The following RCAN2 variants were observed in gnomAD, a reference collection of about 807,000 sequenced individuals.
The protein encoded by RCAN2 is calcipressin-2.
Under a neutral mutation model 23.6 loss-of-function variants are expected in RCAN2, and 9 were observed. That is an observed-to-expected ratio of 0.38 (90% CI 0.23 to 0.67). RCAN2 has a LOEUF of 0.67. Ranked by LOEUF, RCAN2 falls within the 30% of genes least tolerant of loss-of-function variation. The probability of loss-of-function intolerance (pLI) is 0.51; values close to 1 mark genes in which losing one functional copy is unlikely to be tolerated. For synonymous variants in RCAN2, 109 were observed against 115.7 expected, an observed-to-expected ratio of 0.94 and a Z score of 0.37; for missense variants, 273 against 302.3, an observed-to-expected ratio of 0.90 and a Z score of 0.72.
chr6:46,471,636 C>T (rs1212903522), intron 1 of RCAN2, among the ~76,000 whole-genome samples: 1 of 152,032 alleles, frequency 6.6e-6, no homozygotes, highest in African/African-American at 2.4e-5. Flanking sequence ...AAGTAATGAG[C>T]AGTTGGTGCC....
chr6:46,358,038 T>C (rs1764894864), intron 2 of RCAN2, among the ~76,000 whole-genome samples: 1 of 152,172 alleles, frequency 6.6e-6, no homozygotes, highest in African/African-American at 2.4e-5. Flanking sequence ...ATAAAATCTT[T>C]AGTTTATTTT....
chr6:46,374,825 C>T (rs9381446), intron 2 of RCAN2, among the ~76,000 whole-genome samples: 62,089 of 151,932 alleles, frequency 0.41, 15,634 homozygotes, highest in East Asian at 0.59. Context: ...AGTTACAGAA[C>T]GATAAAAGAA....
chr6:46,406,542 A>G (rs762136614), intron 2 of RCAN2, among the ~76,000 whole-genome samples: 5 of 152,210 alleles, frequency 3.3e-5, no homozygotes, highest in Admixed American at 6.5e-5. Flanking sequence ...AATGATTTTG[A>G]TAGGAGACCA....
In RCAN2 at chr6:46,368,773, G is replaced by A. The variant is rs1473720604; in HGVS notation, c.225+87979C>T. On this transcript the variant is annotated intron_variant, in intron 2 of 4. Coordinates refer to ENST00000371374, the MANE Select transcript of RCAN2 (RefSeq NM_001251974.2). Reference sequence around the variant, plus strand: ...TTTAGGGCTGGGAGTTGCCCTGTACGAGTCAGGGAGTGAGTGGCGAGTGAA... The same window carrying A: ...TTTAGGGCTGGGAGTTGCCCTGTACAAGTCAGGGAGTGAGTGGCGAGTGAA... 5.3e-5 allele frequency among the ~76,000 whole-genome samples: 8 copies of A among 152,234 alleles called. No homozygotes were observed. The East Asian group carries it at 5.8e-4, about 11-fold the overall frequency.
rs886157238 is a variant in RCAN2, at chr6:46,328,161, G to T, written c.226-79265C>A. 3.3e-5 allele frequency among the ~76,000 whole-genome samples: 5 copies of T among 149,530 alleles called. No individual in the cohort carries two copies. The East Asian group carries it at 5.9e-4, about 18-fold the overall frequency. ...CCTACTTGAAGTTGTAAAATAGGCA[G>T]TTTTTTTTTTCTGATGTATCCTCAG... On this transcript the variant is annotated intron_variant, in intron 2 of 4. Transcript: ENST00000371374.
At chr6:46,404,545 A>T (rs182947000) in intron 2 of RCAN2, among the ~76,000 whole-genome samples, 73 of 152,344 alleles carry the variant, frequency 4.8e-4, no homozygotes, top group Admixed American at 2.7e-3. Context: ...TTGAACAAAA[A>T]TTATTCTAGA....
chr6:46,249,673 G>C (rs993082893), intron 2 of RCAN2, among the ~76,000 whole-genome samples: 2 of 152,142 alleles, frequency 1.3e-5, no homozygotes, highest in South Asian at 2.1e-4. Context: ...ACTCCATCCA[G>C]TTTCCTAGTC....
At chr6:46,344,171 TATACAC>T (rs1225852990) in intron 2 of RCAN2, among the ~76,000 whole-genome samples, 1 of 152,204 alleles carries the variant, frequency 6.6e-6, no homozygotes, top group Admixed American at 6.5e-5. Flanking sequence ...ATCATTGAGT[TATACAC>T]ATAAAATGTG....
At chr6:46,423,009 T>C (rs1766925082) in intron 2 of RCAN2, among the ~76,000 whole-genome samples, 1 of 152,140 alleles carries the variant, frequency 6.6e-6, no homozygotes, top group Non-Finnish European at 1.5e-5. Flanking sequence ...CAGACCATCC[T>C]CCTGTGACTG....
chr6:46,416,002 G>A (rs745797281), intron 2 of RCAN2, among the ~76,000 whole-genome samples: 2 of 152,134 alleles, frequency 1.3e-5, no homozygotes, highest in African/African-American at 2.4e-5. Context: ...TATGTAAATT[G>A]TTGTTATGCT....
intron 2 of RCAN2, among the ~76,000 whole-genome samples, chr6:46,339,098 C>T (rs1345057): frequency 0.42 from 62,487 of 149,362 alleles, 14,543 homozygotes; most frequent in East Asian, 0.6. Flanking sequence ...CATCCATCCA[C>T]CACCCACCCA....
intron 1 of RCAN2, among the ~76,000 whole-genome samples, chr6:46,468,304 T>A (rs1223282705): frequency 6.6e-6 from 1 of 152,204 alleles, no homozygotes; most frequent in Non-Finnish European, 1.5e-5. Flanking sequence ...TTTTATCAGG[T>A]CATCTTCAAC....
chr6:46,330,261 G>A (rs182051416), intron 2 of RCAN2, among the ~76,000 whole-genome samples: 17 of 152,154 alleles, frequency 1.1e-4, no homozygotes, highest in East Asian at 5.8e-4. Flanking sequence ...GCAGATTCTC[G>A]GGCCCCACCC....
intron 2 of RCAN2, among the ~76,000 whole-genome samples, chr6:46,328,289 T>C (rs1281850422): frequency 6.6e-6 from 1 of 152,214 alleles, no homozygotes; most frequent in Non-Finnish European, 1.5e-5. Flanking sequence ...TCAAGGACAG[T>C]TGTCAACTCA....
rs532387215 is a variant in RCAN2, at chr6:46,257,337, G to A, written c.226-8441C>T. Reference sequence around the variant, plus strand: ...ACTGAATCCTCAATAAGTCCTTTGAGCAAGAATTGGAATTTTTGTTGTCCT... The same window carrying A: ...ACTGAATCCTCAATAAGTCCTTTGAACAAGAATTGGAATTTTTGTTGTCCT... On this transcript the variant is annotated intron_variant, in intron 2 of 4. Transcript: ENST00000371374. Among the ~76,000 whole-genome samples, 3 of 152,292 alleles carry A rather than the reference G, an allele frequency of 2.0e-5. No individual in the cohort carries two copies. The South Asian group carries it at 6.2e-4, about 32-fold the overall frequency.
intron 2 of RCAN2, among the ~76,000 whole-genome samples, chr6:46,255,709 C>A (rs556967418): frequency 6.6e-5 from 10 of 152,080 alleles, no homozygotes; most frequent in South Asian, 4.2e-4. Context: ...CAACCATGAG[C>A]CAGATAAGCT....
At chr6:46,308,586 T>C (rs539616577) in intron 2 of RCAN2, among the ~76,000 whole-genome samples, 33 of 152,184 alleles carry the variant, frequency 2.2e-4, no homozygotes, top group Admixed American at 1.8e-3. Flanking sequence ...ATACAAAATA[T>C]AGTGTACGTT....
intron 2 of RCAN2, among the ~76,000 whole-genome samples, chr6:46,350,355 T>C (rs1162194401): frequency 2.6e-5 from 4 of 152,174 alleles, no homozygotes; most frequent in Non-Finnish European, 5.9e-5. Flanking sequence ...AGAATTTGCA[T>C]GGTTTACGAG....
At chr6:46,440,906 A>G (rs547012179) in intron 2 of RCAN2, among the ~76,000 whole-genome samples, 63 of 152,326 alleles carry the variant, frequency 4.1e-4, no homozygotes, top group African/African-American at 1.5e-3. Flanking sequence ...GGAAACTGAG[A>G]TTAACCTTCC....
Sources: gnomAD v4.1 joint callset for allele counts (sites outside exome capture counted in the v4.1 genomes callset) on GRCh38, gnomAD v4.1.1 for gene constraint, MANE v1.5 for transcripts, NCBI Gene and HGNC (gene_info 2026-07-23, HGNC 2026-07-21) for gene names.